The following CYTH1 variants were observed in gnomAD, a reference collection of about 807,000 sequenced individuals.
The protein encoded by CYTH1 is cytohesin 1.
Under a neutral mutation model 61.8 loss-of-function variants are expected in CYTH1, and 18 were observed. The ratio of observed to expected loss-of-function variants is 0.29; its 90% CI spans 0.20 to 0.43. The LOEUF (loss-of-function observed/expected upper bound fraction) is 0.43. Ranked by LOEUF, CYTH1 falls within the 20% of genes least tolerant of loss-of-function variation. The probability of loss-of-function intolerance (pLI) is 1.00; values close to 1 mark genes in which losing one functional copy is unlikely to be tolerated. For synonymous variants in CYTH1, 174 were observed against 184.3 expected (o/e 0.94, Z 0.45); for missense variants, 336 against 510.5 (o/e 0.66, Z 3.29).
chr17:78,692,894 A>G (rs561504592), intron 10 of CYTH1, among the ~76,000 whole-genome samples: 2 of 152,162 alleles, frequency 1.3e-5, no homozygotes, highest in Non-Finnish European at 2.9e-5. Flanking sequence ...CTACTCTGCT[A>G]CTGACAAGCA....
At chr17:78,734,855 C>A (rs1463879956) in intron 1 of CYTH1, among the ~76,000 whole-genome samples, 1 of 152,154 alleles carries the variant, frequency 6.6e-6, no homozygotes, top group African/African-American at 2.4e-5. Context: ...TAGGCGTGTT[C>A]TTTAGGGCGT....
chr17:78,702,086 C>T (rs374255668), intron 5 of CYTH1, 36 bp downstream of exon 5: 4 of 1,503,908 alleles, frequency 2.7e-6, no homozygotes, highest in South Asian at 1.1e-5. Context: ...TCCTGAACAG[C>T]CTTCCCTAGC....
intron 1 of CYTH1, among the ~76,000 whole-genome samples, chr17:78,759,594 G>T (rs556958779): frequency 6.6e-6 from 1 of 152,174 alleles, no homozygotes; most frequent in African/African-American, 2.4e-5. Context: ...ATCCAAGGTT[G>T]GTTATTCTTG....
In CYTH1 at chr17:78,717,471, A is replaced by G. The variant is rs2093191137; in HGVS notation, c.23-7739T>C. On this transcript the variant is annotated intron_variant, in intron 1 of 13. Transcript: ENST00000446868. The surrounding 1 kb of genome is among the most constrained non-coding windows in gnomAD (Gnocchi z 4.4). ...TTGGCTGTGAATAGGAAAGCCACAC[A>G]AGGGAAGCTTTCATTTATTTATTTA... is the stretch of plus-strand genomic sequence containing the variant. 6.6e-6 allele frequency among the ~76,000 whole-genome samples: 1 copy of G among 152,196 alleles called. No homozygotes were observed. The highest frequency in any genetic ancestry group is 2.4e-5 in the African/African-American group (1 of 41,438).
At chr17:78,740,745 A>G (rs914174115) in intron 1 of CYTH1, among the ~76,000 whole-genome samples, 2 of 152,220 alleles carry the variant, frequency 1.3e-5, no homozygotes, top group African/African-American at 4.8e-5. Context: ...GAGATTGCAA[A>G]TGGGTACTAT....
intron 1 of CYTH1, among the ~76,000 whole-genome samples, chr17:78,738,626 T>TAA (rs139579890): frequency 2.3e-4 from 33 of 145,244 alleles, no homozygotes; most frequent in African/African-American, 8.2e-4. Flanking sequence ...TGCATATATT[T>TAA]AAAAAAAAAA....
chr17:78,708,032 C>T (rs945352226), intron 3 of CYTH1, among the ~76,000 whole-genome samples, 165 bp downstream of exon 3: 6 of 152,080 alleles, frequency 3.9e-5, no homozygotes, highest in East Asian at 3.9e-4. Context: ...GGAGGCCTTG[C>T]GGTGAAGGAT....
rs371078909 is a variant in CYTH1, at chr17:78,709,635, A to G, written c.105+15T>C. ...TGGTTCTTACGTTGGTGAAACCACC[A>G]TGCCACTCTCCTACCTGAATGTCAG... On this transcript the variant is annotated intron_variant, in intron 2 of 13. Transcript: ENST00000446868. 1.2e-4 allele frequency: 199 copies of G among 1,614,112 alleles called. No individual in the cohort carries two copies. Among genetic ancestry groups the G allele is most frequent in the Middle Eastern group, 1.6e-4 (1 of 6,062 alleles).
At position 78,771,726 on chromosome 17, in the gene CYTH1, T is replaced by C. The variant is rs545921603; in HGVS notation, c.22+10476A>G. Reference sequence around the variant, plus strand: ...AGCCTGGTGACAGAGCGAGATTCCATCTTAAAAAAAAAAAAAAAAAGAAAG... The same window carrying C: ...AGCCTGGTGACAGAGCGAGATTCCACCTTAAAAAAAAAAAAAAAAAGAAAG... On this transcript the variant is annotated intron_variant, in intron 1 of 13. Transcript: ENST00000446868. Among the ~76,000 whole-genome samples, 3 of 137,736 alleles carry C rather than the reference T, an allele frequency of 2.2e-5. No homozygotes were observed. The South Asian group carries it at 6.7e-4, about 31-fold the overall frequency. The allele number at this position is 137,736 out of a possible 152,430, so 90.4% of individuals were successfully genotyped here.
At chr17:78,729,975 T>A (rs919369101) in intron 1 of CYTH1, among the ~76,000 whole-genome samples, 32 of 152,160 alleles carry the variant, frequency 2.1e-4, no homozygotes, top group African/African-American at 7.7e-4. Flanking sequence ...AAATTTGATG[T>A]TGAAGTTTTT....
intron 9 of CYTH1, among the ~76,000 whole-genome samples, chr17:78,697,469 C>A (rs10512617): frequency 5.9e-5 from 9 of 151,900 alleles, no homozygotes; most frequent in Admixed American, 2.0e-4. Context: ...ACCCTGTCAC[C>A]TTCACGGCAA....
intron 1 of CYTH1, among the ~76,000 whole-genome samples, chr17:78,738,858 T>C (rs1010005405): frequency 6.6e-6 from 1 of 152,196 alleles, no homozygotes; most frequent in Non-Finnish European, 1.5e-5. Flanking sequence ...TACTGTCAAA[T>C]GGTATAGCGT....
At chr17:78,736,198 T>C (rs188057654) in intron 1 of CYTH1, among the ~76,000 whole-genome samples, 1 of 152,366 alleles carries the variant, frequency 6.6e-6, no homozygotes, top group East Asian at 1.9e-4. Flanking sequence ...CTTTACTTTT[T>C]AGTATCAGAT....
rs1277229133 is a variant in CYTH1 at position 78,760,532 on chromosome 17, CAT to C, written c.22+21668_22+21669del. ...GTATATATATGTATATATATATATA[CAT>C]ACATATATATGTATATATATATGTA... On this transcript the variant is annotated intron_variant, in intron 1 of 13. Coordinates refer to ENST00000446868, the MANE Select transcript of CYTH1 (RefSeq NM_004762.6). Among the ~76,000 whole-genome samples, 13 of 41,960 alleles carry C rather than the reference CAT, an allele frequency of 3.1e-4. 1 individual carries two copies. The highest frequency in any genetic ancestry group is 1.0e-3 in the African/African-American group (10 of 9,898). The allele number at this position is 41,960 out of a possible 152,430, so 27.5% of individuals were successfully genotyped here.
At chr17:78,773,504 C>T (rs1449657601) in intron 1 of CYTH1, among the ~76,000 whole-genome samples, 1 of 150,096 alleles carries the variant, frequency 6.7e-6, no homozygotes, top group Admixed American at 6.6e-5. Flanking sequence ...GTGGCGTGCG[C>T]CTGTAATTCC....
chr17:78,734,536 G>A (rs1487047236), intron 1 of CYTH1, among the ~76,000 whole-genome samples: 1 of 145,068 alleles, frequency 6.9e-6, no homozygotes, highest in Non-Finnish European at 1.5e-5. Context: ...AGCCTCCTGG[G>A]TTCAAGCTAT....
At chr17:78,706,509 C>T (rs554807639) in intron 3 of CYTH1, among the ~76,000 whole-genome samples, 1 of 152,338 alleles carries the variant, frequency 6.6e-6, no homozygotes, top group South Asian at 2.1e-4. Context: ...TCTATTACCT[C>T]GACCTGTTTA....
At chr17:78,724,470 T>C (rs1056755408) in intron 1 of CYTH1, among the ~76,000 whole-genome samples, 4 of 152,180 alleles carry the variant, frequency 2.6e-5, no homozygotes, top group Non-Finnish European at 4.4e-5. Context: ...AGGTCACTCT[T>C]TGTGGTGGGG....
chr17:78,744,072 A>T (rs1374333097), intron 1 of CYTH1, among the ~76,000 whole-genome samples: 1 of 152,252 alleles, frequency 6.6e-6, no homozygotes, highest in South Asian at 2.1e-4. Flanking sequence ...GGAATCTCAC[A>T]GTTAAATATA....
Sources: gnomAD v4.1 joint callset for allele counts (sites outside exome capture counted in the v4.1 genomes callset) on GRCh38, gnomAD v4.1.1 for gene constraint, Gnocchi (gnomAD v3.1) non-coding constraint, MANE v1.5 for transcripts, NCBI Gene and HGNC (gene_info 2026-07-23, HGNC 2026-07-21) for gene names.